Variants in PIK3C2G observed in about 807,000 individuals in gnomAD.
PIK3C2G encodes the protein phosphatidylinositol-4-phosphate 3-kinase catalytic subunit type 2 gamma.
Under a neutral mutation model 181.1 loss-of-function variants are expected in PIK3C2G, and 168 were observed. That is an observed-to-expected ratio of 0.93 (90% confidence interval 0.82 to 1.05). The LOEUF is 1.05. Ranked by LOEUF, PIK3C2G falls within the 50% of genes least tolerant of loss-of-function variation. The probability of loss-of-function intolerance (pLI) is 0.00; values close to 1 mark genes in which losing one functional copy is unlikely to be tolerated. For synonymous variants in PIK3C2G, 573 were observed against 592.2 expected, an observed-to-expected ratio of 0.97 and a Z score of 0.47; for missense variants, 1,869 against 1,732.8, an observed-to-expected ratio of 1.08 and a Z score of -1.40.
At chr12:18,604,877 C>T (rs1259470331) in intron 30 of PIK3C2G, among the ~76,000 whole-genome samples, 1 of 152,000 alleles carries the variant, frequency 6.6e-6, no homozygotes, top group Non-Finnish European at 1.5e-5. Context: ...CTATCAAAAC[C>T]TCTGGGATAC....
At chr12:18,422,933 C>A (rs967753544) in intron 17 of PIK3C2G, among the ~76,000 whole-genome samples, 2 of 152,102 alleles carry the variant, frequency 1.3e-5, no homozygotes, top group African/African-American at 2.4e-5. Context: ...TATAGTCAGA[C>A]AGCATCAGGA....
intron 5 of PIK3C2G, among the ~76,000 whole-genome samples, chr12:18,304,504 G>T (rs528177009): frequency 6.6e-6 from 1 of 152,072 alleles, no homozygotes; most frequent in Non-Finnish European, 1.5e-5. Context: ...TGATCAACCC[G>T]CCCCGGCCTC....
In PIK3C2G at chr12:18,319,090, A is replaced by T. The variant is rs182316783; in HGVS notation, c.1138-1872A>T. ...ACAGAGCAAGACTCTGTCTCAAAAA[A>T]AAATAAATAAATAATAAAAAGCAGG... On this transcript the variant is annotated intron_variant, in intron 6 of 32. Coordinates refer to ENST00000538779, the MANE Select transcript of PIK3C2G (RefSeq NM_001288772.2). Among the ~76,000 whole-genome samples, 572 of 152,240 alleles carry T rather than the reference A, an allele frequency of 3.8e-3. 4 individuals are homozygous for T. The highest frequency in any genetic ancestry group is 0.013 in the African/African-American group (544 of 41,552).
At chr12:18,658,629 T>C in the PIK3C2G span, among the ~76,000 whole-genome samples, 1 of 152,164 alleles carries the variant, frequency 6.6e-6, no homozygotes, top group African/African-American at 2.4e-5. Context: ...AATCAATATT[T>C]TAATAAATAA....
chr12:18,395,672 A>G (rs1009419263), intron 15 of PIK3C2G, among the ~76,000 whole-genome samples: 31 of 151,198 alleles, frequency 2.1e-4, no homozygotes, highest in Non-Finnish European at 4.4e-5. Flanking sequence ...ATGAATCACA[A>G]TGTACTCTGG....
At chr12:18,684,420 A>C in the PIK3C2G span, 1 of 721,318 alleles carries the variant, frequency 1.4e-6, no homozygotes, top group East Asian at 2.7e-5. Context: ...TTTTTAATAT[A>C]CTCAGTGTGA....
intron 24 of PIK3C2G, among the ~76,000 whole-genome samples, chr12:18,529,850 G>T (rs1228003440): frequency 6.6e-6 from 1 of 152,132 alleles, no homozygotes; most frequent in African/African-American, 2.4e-5. Context: ...ACTTGAATTT[G>T]TGGGAAAGGT....
In PIK3C2G at chr12:18,582,295, A is replaced by G. The variant is rs753064512; in HGVS notation, c.4012-12199A>G. The stretch of plus-strand genomic sequence containing the variant: ...GCCCACTCAGAAGTAACACAGAAAC[A>G]GGGGAACCTCCCCAGCCCAGGGAAA... On this transcript the variant is annotated intron_variant, in intron 29 of 32. Coordinates refer to ENST00000538779, the MANE Select transcript of PIK3C2G (RefSeq NM_001288772.2). 2.5e-4 allele frequency among the ~76,000 whole-genome samples: 38 copies of G among 152,142 alleles called. 1 individual carries two copies. Among genetic ancestry groups the G allele is most frequent in the Non-Finnish European group, 7.4e-5 (5 of 68,026 alleles).
intron 26 of PIK3C2G, among the ~76,000 whole-genome samples, chr12:18,559,648 G>A (rs1945190066): frequency 6.6e-6 from 1 of 151,016 alleles, no homozygotes; most frequent in African/African-American, 2.4e-5. Flanking sequence ...ACACTGAAGA[G>A]AAACTGTTGG....
intron 8 of PIK3C2G, among the ~76,000 whole-genome samples, chr12:18,328,229 A>G (rs1312623284): frequency 6.6e-6 from 1 of 151,948 alleles, no homozygotes; most frequent in African/African-American, 2.4e-5. Flanking sequence ...AAGTCCTTCT[A>G]CCATCTAGCC....
intron 24 of PIK3C2G, among the ~76,000 whole-genome samples, chr12:18,524,870 G>GC (rs1769307548): frequency 6.6e-6 from 1 of 151,788 alleles, no homozygotes; most frequent in African/African-American, 2.4e-5. Flanking sequence ...CCCGGCCTGT[G>GC]CCTCAGTTTT....
At chr12:18,332,035 A>G (rs1938028645) in intron 8 of PIK3C2G, among the ~76,000 whole-genome samples, 1 of 151,816 alleles carries the variant, frequency 6.6e-6, no homozygotes, top group Non-Finnish European at 1.5e-5. Context: ...ACTTAAATTA[A>G]CTAATATTTT....
the PIK3C2G span, chr12:18,695,112 T>C: frequency 1.3e-6 from 2 of 1,582,794 alleles, no homozygotes; most frequent in Non-Finnish European, 8.7e-7. Flanking sequence ...CATTGTCAGG[T>C]AATAGAGAAT....
At chr12:18,481,854 G>T (rs1190318083) in intron 18 of PIK3C2G, among the ~76,000 whole-genome samples, 1 of 151,926 alleles carries the variant, frequency 6.6e-6, no homozygotes, top group Non-Finnish European at 1.5e-5. Context: ...GGCATCTTAG[G>T]GCTTTTCTCA....
At chr12:18,443,514 T>G (rs1362335570) in intron 18 of PIK3C2G, among the ~76,000 whole-genome samples, 1 of 152,206 alleles carries the variant, frequency 6.6e-6, no homozygotes, top group Non-Finnish European at 1.5e-5. Context: ...GTTATATCTT[T>G]GTTTACAGGA....
chr12:18,648,025 T>C lies in PIK3C2G; in HGVS notation c.4458T>C (p.Ile1486=). Residue 1486 remains isoleucine (I), a synonymous_variant, in exon 33 of 33, where the codon ATT becomes ATC. Coordinates refer to ENST00000538779, the MANE Select transcript of PIK3C2G (RefSeq NM_001288772.2). ...GGTATCCATTAGGAAACAGTATAAT[T>C]TGACCATTGCTATGAACATATGCAT... ...EKWYPLGNSI[I] 1.3e-6 allele frequency: 2 copies of C among 1,585,790 alleles called. No homozygotes were observed. The highest frequency in any genetic ancestry group is 1.2e-5 in the South Asian group (1 of 86,582).
chr12:18,343,723 T>C (rs1939376106), intron 10 of PIK3C2G, among the ~76,000 whole-genome samples: 1 of 152,076 alleles, frequency 6.6e-6, no homozygotes, highest in African/African-American at 2.4e-5. Context: ...TAAGAAAAAT[T>C]AGAAAAGTAG....
At chr12:18,694,172 T>C in the PIK3C2G span, 1 of 679,568 alleles carries the variant, frequency 1.5e-6, no homozygotes, top group Non-Finnish European at 2.5e-6. Flanking sequence ...CTGGGGGAGT[T>C]GCCCAGAGGA....
chr12:18,463,223 C>A (rs1318270096), intron 18 of PIK3C2G, among the ~76,000 whole-genome samples: 1 of 152,122 alleles, frequency 6.6e-6, no homozygotes, highest in South Asian at 2.1e-4. Flanking sequence ...AATTTTATAA[C>A]ATATAGAATG....
Sources: allele counts gnomAD v4.1 joint callset (sites outside exome capture counted in the v4.1 genomes callset), GRCh38; gene constraint gnomAD v4.1.1; transcripts MANE v1.5; gene names NCBI Gene and HGNC (gene_info 2026-07-23, HGNC 2026-07-21).